Variants in CRYM observed in about 807,000 individuals in gnomAD.
CRYM encodes ketimine reductase mu-crystallin.
Under a neutral mutation model 32.9 loss-of-function variants are expected in CRYM, and 18 were observed. The ratio of observed to expected loss-of-function variants is 0.55; its 90% CI spans 0.38 to 0.81. CRYM has a LOEUF of 0.81. CRYM is among the 30% of genes least tolerant of loss of function. The pLI is 0.00. For synonymous variants in CRYM, 153 were observed against 152.4 expected (o/e 1.00, Z -0.03); for missense variants, 337 against 393.5 (o/e 0.86, Z 1.21).
At chr16:21,266,439 A>G (rs2093363861) in intron 5 of CRYM, among the ~76,000 whole-genome samples, 2 of 152,176 alleles carry the variant, frequency 1.3e-5, no homozygotes, top group Admixed American at 1.3e-4. Context: ...CAGTAGTATT[A>G]GATGTAGACC....
intron 3 of CRYM, 128 bp from the exon 4 acceptor site, chr16:21,270,019 C>T: frequency 1.4e-6 from 1 of 709,802 alleles, no homozygotes; most frequent in South Asian, 1.5e-5. Context: ...TGCAGGCAAT[C>T]AAGAGAATTT....
At position 21,277,017 on chromosome 16, in the gene CRYM, C is replaced by T. The variant is rs226038; in HGVS notation, c.324+414G>A. ...ACTATGATTAGATATTAAAACAGGT[C>T]ACACCGTATACCCCTCTGAAGACTC... On this transcript the variant is annotated intron_variant, in intron 2 of 7. Transcript: ENST00000572914. The surrounding 1 kb of genome is among the most constrained non-coding windows in gnomAD (Gnocchi z 4.2). Among the ~76,000 whole-genome samples the T allele has an allele frequency of 6.6e-6, 1 of 151,950 alleles. No homozygotes were observed. The highest frequency in any genetic ancestry group is 2.4e-5 in the African/African-American group (1 of 41,358).
intron 3 of CRYM, among the ~76,000 whole-genome samples, chr16:21,275,202 C>T (rs1301840631): frequency 6.6e-6 from 1 of 152,196 alleles, no homozygotes; most frequent in East Asian, 1.9e-4. Context: ...TACTCTAGCA[C>T]TTATTAGCTG....
intron 4 of CRYM, among the ~76,000 whole-genome samples, chr16:21,269,322 G>A (rs1039692413): frequency 6.6e-6 from 1 of 152,050 alleles, no homozygotes; most frequent in African/African-American, 2.4e-5. Flanking sequence ...TTCCCAGGGG[G>A]AAGCATGAGA....
upstream of CRYM, chr16:21,278,468 C>G (rs879832635): frequency 3.3e-6 from 2 of 607,670 alleles, no homozygotes; most frequent in Non-Finnish European, 5.8e-6. Context: ...CTTCCAGCAA[C>G]GGATTCCCCA....
At chr16:21,269,056 A>G (rs752869533) in intron 4 of CRYM, among the ~76,000 whole-genome samples, 4 of 151,830 alleles carry the variant, frequency 2.6e-5, no homozygotes, top group Non-Finnish European at 5.9e-5. Context: ...AGGCCCAAGA[A>G]TCACTTGAAC....
intron 3 of CRYM, among the ~76,000 whole-genome samples, chr16:21,270,790 C>G (rs563153713): frequency 4.6e-5 from 7 of 152,188 alleles, no homozygotes; most frequent in Non-Finnish European, 1.0e-4. Context: ...CTCTGTTGAT[C>G]TTTTCACTGC....
At chr16:21,278,004 C>G (rs898575125) in intron 1 of CRYM, 78 bp downstream of exon 1, 8 of 1,452,072 alleles carry the variant, frequency 5.5e-6, no homozygotes, top group Non-Finnish European at 6.5e-6. Flanking sequence ...CTTCCCTTCT[C>G]CCACCCCTCC....
upstream of CRYM, among the ~76,000 whole-genome samples, chr16:21,283,165 C>T (rs2093401167): frequency 6.6e-6 from 1 of 152,080 alleles, no homozygotes; most frequent in African/African-American, 2.4e-5. Flanking sequence ...TACTTACATC[C>T]CCCTAGACTT....
At chr16:21,302,182 G>T (rs1048048513) in intron 1 of CRYM, among the ~76,000 whole-genome samples, 1 of 152,250 alleles carries the variant, frequency 6.6e-6, no homozygotes, top group East Asian at 1.9e-4. Context: ...GGAGGCAAAT[G>T]CCTTGTCCCT....
intron 1 of CRYM, among the ~76,000 whole-genome samples, chr16:21,297,187 GT>G (rs1286842390): frequency 4.0e-5 from 6 of 151,656 alleles, no homozygotes; most frequent in African/African-American, 1.5e-4. Flanking sequence ...GAGGTCAGGA[GT>G]TCGAGACCAG....
At chr16:21,301,157 G>A (rs1960914987) in intron 1 of CRYM, 1 of 152,318 alleles carries the variant, frequency 6.6e-6, no homozygotes, top group African/African-American at 2.4e-5. Context: ...AACTCCAGTA[G>A]ACCCTGAGGA....
At position 21,258,856 on chromosome 16, in the gene CRYM, C is replaced by G. The variant is rs776176258; in HGVS notation, c.881-11G>C. 6.2e-7 allele frequency: 1 copy of G among 1,613,932 alleles called. No homozygotes were observed. The highest frequency in any genetic ancestry group is 8.5e-7 in the Non-Finnish European group (1 of 1,179,894). On this transcript the variant is annotated splice_polypyrimidine_tract_variant and intron_variant, in intron 7 of 7. Coordinates refer to ENST00000572914, the MANE Select transcript of CRYM (RefSeq NM_001376256.1). ...CTTCCACTGCCATTCCTAGAATAGA[C>G]AGAAATTTGGTTCGCCTTTGGTCAA...
At chr16:21,278,442 T>C, upstream of CRYM, 1 of 640,616 alleles carries the variant, frequency 1.6e-6, no homozygotes, top group Non-Finnish European at 2.7e-6. Context: ...CCCCTAAGGG[T>C]GGGCGAGATG....
chr16:21,301,586 A>T (rs958318244), intron 1 of CRYM, among the ~76,000 whole-genome samples: 9 of 152,204 alleles, frequency 5.9e-5, no homozygotes, highest in Non-Finnish European at 1.0e-4. Flanking sequence ...CAAACTGGGG[A>T]CTACACTCGT....
chr16:21,268,647 T>C (rs1246444507), intron 4 of CRYM: 8 of 152,178 alleles, frequency 5.3e-5, no homozygotes, highest in Non-Finnish European at 1.2e-4. Context: ...CCCTTCTTGA[T>C]AGAAGACTAT....
chr16:21,275,355 C>A (rs766163500), intron 3 of CRYM, among the ~76,000 whole-genome samples, 177 bp downstream of exon 3: 4 of 152,180 alleles, frequency 2.6e-5, no homozygotes, highest in Non-Finnish European at 4.4e-5. Flanking sequence ...TGGTCATGCA[C>A]ACTAATTGGT....
chr16:21,290,539 A>G (rs990279572), intron 1 of CRYM, among the ~76,000 whole-genome samples: 80 of 152,206 alleles, frequency 5.3e-4, no homozygotes, highest in African/African-American at 1.7e-3. Flanking sequence ...CGAGACCAAG[A>G]ACCCACGGGA....
intron 1 of CRYM, among the ~76,000 whole-genome samples, chr16:21,291,913 G>A (rs1960666342): frequency 6.6e-6 from 1 of 151,906 alleles, no homozygotes; most frequent in Admixed American, 6.6e-5. Context: ...GTTTTTAATT[G>A]TGGTGAAGTT....
Sources: allele counts gnomAD v4.1 joint callset (sites outside exome capture counted in the v4.1 genomes callset), GRCh38; gene constraint gnomAD v4.1.1; non-coding constraint Gnocchi (gnomAD v3.1); transcripts MANE v1.5; gene names NCBI Gene and HGNC (gene_info 2026-07-23, HGNC 2026-07-21).